RPAIN: variants seen among roughly 807,000 people sequenced by gnomAD.
RPAIN encodes RPA-interacting protein.
Under a neutral mutation model 30.5 loss-of-function variants are expected in RPAIN, and 29 were observed. That is an observed-to-expected ratio of 0.95 (90% CI 0.71 to 1.30). The LOEUF (loss-of-function observed/expected upper bound fraction) is 1.30, where lower values mean the gene tolerates loss of function less well. RPAIN is among the 50% of genes most tolerant of loss of function. RPAIN has a pLI of 0.00. For missense variants in RPAIN, 247 were observed against 264.7 expected, an observed-to-expected ratio of 0.93 and a Z score of 0.46; for synonymous variants, 101 against 93.5, an observed-to-expected ratio of 1.08 and a Z score of -0.46.
chr17:5,426,853 A>T (rs1182831556), intron 5 of RPAIN: 1 of 151,410 alleles, frequency 6.6e-6, no homozygotes, highest in Non-Finnish European at 1.5e-5. Flanking sequence ...CATCTTGGCC[A>T]GGCTGGTCTC....
At chr17:5,429,746 T>G in intron 6 of RPAIN, 3 of 985,542 alleles carry the variant, frequency 3.0e-6, no homozygotes, top group Non-Finnish European at 3.6e-6. Context: ...GCCTCTGTGC[T>G]GTTGTTTAGG....
rs765685655 is a variant in RPAIN at position 5,420,285 on chromosome 17, C to G, written c.75C>G (p.Phe25Leu). Residue 25 changes from phenylalanine (F) to leucine (L), a missense_variant, in exon 1 of 7, where the codon TTC (phenylalanine) becomes TTG (leucine). Phe to Leu is a conservative substitution (Grantham distance 22). Transcript: ENST00000381209. ...LVGSPPWKEAFRQRCLERMRN... is the reference protein window; with the variant it reads ...LVGSPPWKEALRQRCLERMRN... ...GCTCGCCGCCTTGGAAAGAGGCTTT[C>G]CGGCAGGTGGGTATGGGGTTTGTGC... 3.7e-6 allele frequency: 6 copies of G among 1,612,662 alleles called. No homozygotes were observed. The highest frequency in any genetic ancestry group is 5.1e-6 in the Non-Finnish European group (6 of 1,179,540).
At chr17:5,423,982 T>G (rs913203766) in intron 3 of RPAIN, among the ~76,000 whole-genome samples, 19 of 145,524 alleles carry the variant, frequency 1.3e-4, no homozygotes, top group Admixed American at 5.6e-4. Flanking sequence ...AAAATTATTT[T>G]ATTTATGTAT....
rs1448042230 is a variant in RPAIN at position 5,423,856 on chromosome 17, G to A, written c.313+1027G>A. On this transcript the variant is annotated intron_variant, in intron 3 of 6. Coordinates refer to ENST00000381209, the MANE Select transcript of RPAIN (RefSeq NM_001033002.4). ...CAGCCTTGACCTCCTGGGCTTAAGC[G>A]ATCTTCCCACCTCAGCCTTCTGAAT... Among the ~76,000 whole-genome samples, 4 of 151,692 alleles carry A rather than the reference G, an allele frequency of 2.6e-5. No individual in the cohort carries two copies. In the South Asian group the frequency reaches 8.3e-4, roughly 32 times the overall value.
intron 6 of RPAIN, chr17:5,432,177 T>TCGG: frequency 1.8e-5 from 4 of 219,298 alleles, no homozygotes; most frequent in South Asian, 8.6e-5. Context: ...TTGTGTAGAT[T>TCGG]TGGAGTCTCA....
chr17:5,429,830 A>G (rs747898447), intron 6 of RPAIN: 96 of 919,768 alleles, frequency 1.0e-4, no homozygotes, highest in Non-Finnish European at 1.2e-4. Flanking sequence ...ACCAAGCACT[A>G]CAATATGCCG....
rs552009618 is a variant in RPAIN at position 5,432,559 on chromosome 17, T to C, written c.648T>C (p.Ala216=). 8 of 1,614,070 alleles carry C rather than the reference T, an allele frequency of 5.0e-6. No homozygotes were observed. In the South Asian group the frequency reaches 6.6e-5, roughly 13 times the overall value. ...AAACCTAGGCCTGTGATACTTGGGC[T>C]GTGATCCTCTAGAGCCAGCTTGGAC... ...LMSCLACDTW[A]VIL is the part of the protein sequence containing the mutation. The change falls in exon 7 of 7, where the codon GCT becomes GCC. Residue 216 remains alanine, a synonymous_variant. Transcript: ENST00000381209.
At chr17:5,428,879 G>T (rs1304385201) in intron 6 of RPAIN, 4 of 985,956 alleles carry the variant, frequency 4.1e-6, no homozygotes, top group Non-Finnish European at 4.8e-6. Flanking sequence ...GGAGCACACT[G>T]TACTTCAGGA....
Position 5,432,856 on chromosome 17 carries a change from TAATA to T in RPAIN, c.*289_*292del, listed in dbSNP as rs1021775966. 42 of 974,306 alleles carry T rather than the reference TAATA, an allele frequency of 4.3e-5. No individual in the cohort carries two copies. Among genetic ancestry groups the T allele is most frequent in the Admixed American group, 1.6e-4 (5 of 30,580 alleles). 60.4% of individuals were successfully genotyped at this position (974,306 alleles called of 1,614,324 possible). ...AATAGATTTGTACAGAAAAAAATGA[TAATA>T]AATGAGAACACAAAACATATAATTT... On this transcript the variant is annotated 3_prime_UTR_variant, in exon 7 of 7. Coordinates refer to ENST00000381209, the MANE Select transcript of RPAIN (RefSeq NM_001033002.4).
intron 6 of RPAIN, chr17:5,428,832 T>A (rs1310165895): frequency 3.0e-6 from 3 of 987,326 alleles, no homozygotes; most frequent in Non-Finnish European, 3.6e-6. Context: ...GTATTATTAT[T>A]GCTTTTAGAT....
At chr17:5,432,350 A>G (rs1477610583) in intron 6 of RPAIN, 192 bp from the exon 7 acceptor site, 2 of 559,974 alleles carry the variant, frequency 3.6e-6, no homozygotes, top group African/African-American at 3.8e-5. Context: ...AGTTGTTTGA[A>G]GGCTGCAGGA....
chr17:5,432,842 A>T lies in RPAIN; in HGVS notation c.*271A>T. 1 of 941,420 alleles carries T rather than the reference A, an allele frequency of 1.1e-6. No homozygotes were observed. The highest frequency in any genetic ancestry group is 1.5e-6 in the Non-Finnish European group (1 of 662,514). The allele number at this position is 941,420 out of a possible 1,614,324, so 58.3% of individuals were successfully genotyped here. ...AAAAATCTAGAAATAATAGATTTGT[A>T]CAGAAAAAAATGATAATAAATGAGA... On this transcript the variant is annotated 3_prime_UTR_variant, in exon 7 of 7. Coordinates refer to ENST00000381209, the MANE Select transcript of RPAIN (RefSeq NM_001033002.4).
chr17:5,428,803 C>G (rs1915648901), intron 6 of RPAIN: 1 of 988,756 alleles, frequency 1.0e-6, no homozygotes, highest in African/African-American at 1.7e-5. Context: ...CACAAACACA[C>G]ATAAAACCAA....
At chr17:5,432,107 T>C (rs1410925009) in intron 6 of RPAIN, 3 of 218,388 alleles carry the variant, frequency 1.4e-5, no homozygotes, top group Admixed American at 1.0e-4. Context: ...TTACATGTTT[T>C]CTGCCCGTAC....
intron 3 of RPAIN, among the ~76,000 whole-genome samples, chr17:5,423,872 C>G (rs1320424515): frequency 2.0e-5 from 3 of 151,910 alleles, no homozygotes; most frequent in Admixed American, 2.0e-4. Context: ...CCCACCTCAG[C>G]CTTCTGAATA....
intron 1 of RPAIN, among the ~76,000 whole-genome samples, chr17:5,420,592 C>T (rs374257521): frequency 3.3e-5 from 5 of 152,024 alleles, no homozygotes; most frequent in East Asian, 3.9e-4. Flanking sequence ...GGCACTTTGT[C>T]TACGTTCGTC....
At chr17:5,425,217 A>T (rs971223188) in intron 3 of RPAIN, 9 of 429,090 alleles carry the variant, frequency 2.1e-5, no homozygotes, top group South Asian at 1.5e-4. Flanking sequence ...TGCCCCTGTG[A>T]CTAGCAGATA....
chr17:5,426,127 C>T (rs1915363316), intron 4 of RPAIN, 45 bp downstream of exon 4: 2 of 1,565,510 alleles, frequency 1.3e-6, no homozygotes, highest in Non-Finnish European at 1.8e-6. Context: ...TTCCCATTCC[C>T]CACTCCAAGG....
rs1317548323 is a variant in RPAIN, at chr17:5,428,120, T to C, written c.539T>C (p.Ile180Thr). 2 of 1,614,032 alleles carry C rather than the reference T, an allele frequency of 1.2e-6. No homozygotes were observed. Among genetic ancestry groups the C allele is most frequent in the East Asian group, 2.2e-5 (1 of 44,894 alleles). ...QKLRACLEGS[I>T]NEHSAHCPHT... ...CTTCGTGCCTGTTTAGAGGGTAGTA[T>C]AAATGAGCACAGTGCACATTGTCCC... Residue 180 changes from isoleucine (I) to threonine (T), a missense_variant, in exon 6 of 7, where the codon ATA becomes ACA. Physicochemically the swap from Ile to Thr is moderately conservative, Grantham distance 89. Transcript: ENST00000381209.
Sources: gnomAD v4.1 joint callset for allele counts (sites outside exome capture counted in the v4.1 genomes callset) on GRCh38, gnomAD v4.1.1 for gene constraint, MANE v1.5 for transcripts, NCBI Gene and HGNC (gene_info 2026-07-23, HGNC 2026-07-21) for gene names.